CTNNA3: variants seen among roughly 807,000 people sequenced by gnomAD.
CTNNA3 encodes catenin alpha 3.
A neutral mutation model predicts 95.7 loss-of-function variants in CTNNA3; 76 were observed. That is an observed-to-expected ratio of 0.79 (90% CI 0.66 to 0.96). The LOEUF (loss-of-function observed/expected upper bound fraction) is 0.96. Ranked by LOEUF, CTNNA3 falls within the 40% of genes least tolerant of loss-of-function variation. CTNNA3 has a pLI of 0.00. For synonymous variants in CTNNA3, 431 were observed against 374.4 expected (o/e 1.15, Z -1.74); for missense variants, 1,191 against 1,089.8 (o/e 1.09, Z -1.31).
chr10:66,764,837 C>A (rs1839775932), intron 9 of CTNNA3, among the ~76,000 whole-genome samples: 1 of 152,070 alleles, frequency 6.6e-6, no homozygotes, highest in Non-Finnish European at 1.5e-5. Context: ...ATAAATAATT[C>A]AATTAATTAA....
At chr10:66,588,976 C>G (rs934370066) in intron 10 of CTNNA3, among the ~76,000 whole-genome samples, 4 of 152,076 alleles carry the variant, frequency 2.6e-5, no homozygotes, top group Admixed American at 6.5e-5. Flanking sequence ...CAAAATTTAA[C>G]TCAAACAGAC....
At chr10:67,691,931 G>A (rs1389653818) in intron 1 of CTNNA3, among the ~76,000 whole-genome samples, 2 of 151,020 alleles carry the variant, frequency 1.3e-5, no homozygotes, top group Non-Finnish European at 3.0e-5. Context: ...CGTCCGGGAG[G>A]GAGGGAGGTA....
intron 10 of CTNNA3, among the ~76,000 whole-genome samples, chr10:66,548,461 C>G (rs985971916): frequency 5.3e-5 from 8 of 152,056 alleles, no homozygotes; most frequent in Admixed American, 2.6e-4. Context: ...ATTAGAATCT[C>G]TAGGACAATA....
chr10:66,900,496 A>G (rs1845695109), intron 7 of CTNNA3, among the ~76,000 whole-genome samples: 1 of 152,204 alleles, frequency 6.6e-6, no homozygotes, highest in South Asian at 2.1e-4. Flanking sequence ...CTCGCCAGCA[A>G]TGGAAGAAAG....
intron 5 of CTNNA3, among the ~76,000 whole-genome samples, chr10:67,255,726 C>T (rs900496575): frequency 1.3e-5 from 2 of 152,124 alleles, no homozygotes; most frequent in Non-Finnish European, 2.9e-5. Context: ...GCTAGGCTGT[C>T]GGACTTTCCA....
intron 1 of CTNNA3, among the ~76,000 whole-genome samples, chr10:67,726,653 T>C (rs1564841396): frequency 2.3e-5 from 2 of 85,698 alleles, no homozygotes; most frequent in African/African-American, 9.7e-5. Context: ...TATACTATAA[T>C]ATATTATATA....
intron 11 of CTNNA3, among the ~76,000 whole-genome samples, chr10:66,393,013 T>C (rs956268611): frequency 5.3e-5 from 8 of 152,076 alleles, no homozygotes; most frequent in African/African-American, 1.9e-4. Context: ...CTTCAGTAGA[T>C]GAATGGATAA....
intron 7 of CTNNA3, among the ~76,000 whole-genome samples, chr10:66,809,870 T>C (rs1020807386): frequency 6.6e-6 from 1 of 151,258 alleles, no homozygotes; most frequent in Non-Finnish European, 1.5e-5. Flanking sequence ...AATGGCATGA[T>C]CTCAGCTCAC....
intron 13 of CTNNA3, among the ~76,000 whole-genome samples, chr10:66,217,352 C>A (rs75446680): frequency 9.4e-4 from 121 of 128,072 alleles, no homozygotes; most frequent in Admixed American, 1.0e-3. Context: ...GACTCTATCT[C>A]AAAAAAAAAA....
chr10:66,126,962 G>A (rs1039467345), intron 13 of CTNNA3, among the ~76,000 whole-genome samples: 5 of 151,834 alleles, frequency 3.3e-5, no homozygotes, highest in South Asian at 2.1e-4. Flanking sequence ...TCTGTCCAGG[G>A]TAGAGTGTAG....
intron 10 of CTNNA3, among the ~76,000 whole-genome samples, chr10:66,522,873 C>T (rs1170255387): frequency 1.1e-4 from 17 of 152,022 alleles, no homozygotes; most frequent in Non-Finnish European, 1.5e-5. Flanking sequence ...TTGAAGACCT[C>T]TCATACAATG....
chr10:67,033,954 T>C (rs774812250), intron 7 of CTNNA3, among the ~76,000 whole-genome samples: 1 of 152,112 alleles, frequency 6.6e-6, no homozygotes, highest in Non-Finnish European at 1.5e-5. Flanking sequence ...GTATTTTTAA[T>C]AGAGACCAGG....
At chr10:67,052,968 A>G (rs1027696395) in intron 7 of CTNNA3, among the ~76,000 whole-genome samples, 6 of 152,236 alleles carry the variant, frequency 3.9e-5, no homozygotes, top group Non-Finnish European at 7.3e-5. Context: ...AAGTATGTTC[A>G]TTGTACTTAC....
rs2086968206 is a variant in CTNNA3, at chr10:66,196,501, G to C, written c.1884+83969C>G. ...AACTCCATGCCTCTGTATATCAGAGGAAGTAAAGGAATGGAATTTATTTGC... is the reference window on the plus strand; with the variant it reads ...AACTCCATGCCTCTGTATATCAGAGCAAGTAAAGGAATGGAATTTATTTGC... On this transcript the variant is annotated intron_variant, in intron 13 of 17. Coordinates refer to ENST00000433211, the MANE Select transcript of CTNNA3 (RefSeq NM_013266.4). Among the ~76,000 whole-genome samples, 5 of 152,140 alleles carry C rather than the reference G, an allele frequency of 3.3e-5. 1 individual carries two copies. The South Asian group carries it at 1.0e-3, about 32-fold the overall frequency.
intron 7 of CTNNA3, among the ~76,000 whole-genome samples, chr10:66,889,627 A>T (rs1476937428): frequency 6.6e-6 from 1 of 152,212 alleles, no homozygotes; most frequent in Non-Finnish European, 1.5e-5. Context: ...AATAAGAAAC[A>T]GCAAGATTGG....
At chr10:66,486,776 T>G (rs2131919984) in intron 11 of CTNNA3, among the ~76,000 whole-genome samples, 1 of 151,966 alleles carries the variant, frequency 6.6e-6, no homozygotes, top group South Asian at 2.1e-4. Context: ...GAAGCCAAGA[T>G]ATGGATACAA....
intron 12 of CTNNA3, among the ~76,000 whole-genome samples, chr10:66,371,862 T>C (rs1317070888): frequency 6.6e-6 from 1 of 152,154 alleles, no homozygotes; most frequent in African/African-American, 2.4e-5. Flanking sequence ...AGATAATGCT[T>C]CTGGCACTGG....
At chr10:67,387,681 C>T (rs527754214) in intron 5 of CTNNA3, among the ~76,000 whole-genome samples, 7 of 152,346 alleles carry the variant, frequency 4.6e-5, no homozygotes, top group Admixed American at 4.6e-4. Context: ...TTGAAGAGAG[C>T]AGTGGTTCTC....
intron 11 of CTNNA3, among the ~76,000 whole-genome samples, chr10:66,512,443 A>C (rs891069527): frequency 4.6e-5 from 7 of 151,866 alleles, no homozygotes; most frequent in Non-Finnish European, 7.4e-5. Context: ...GTATAGCCTT[A>C]GTTCCTTTCT....
Sources: allele counts gnomAD v4.1 joint callset (sites outside exome capture counted in the v4.1 genomes callset), GRCh38; gene constraint gnomAD v4.1.1; transcripts MANE v1.5; gene names NCBI Gene and HGNC (gene_info 2026-07-23, HGNC 2026-07-21).